The following ZBTB7C variants were observed in gnomAD, a reference collection of about 807,000 sequenced individuals.
ZBTB7C encodes the protein zinc finger and BTB domain containing 7C.
A neutral mutation model predicts 25.7 loss-of-function variants in ZBTB7C; 8 were observed. The observed-to-expected ratio is 0.31, with a 90% CI of 0.18 to 0.56. The LOEUF (loss-of-function observed/expected upper bound fraction) is 0.56, where lower values mean the gene tolerates loss of function less well. Among genes scored for constraint, ZBTB7C ranks in the 20% least tolerant of loss-of-function variants. The probability of loss-of-function intolerance (pLI) is 0.91; values close to 1 mark genes in which losing one functional copy is unlikely to be tolerated. For missense variants in ZBTB7C, 824 were observed against 855.2 expected (o/e 0.96, Z 0.46); for synonymous variants, 394 against 369.0 (o/e 1.07, Z -0.78).
At chr18:48,251,119 G>C (rs991200721) in intron 2 of ZBTB7C, among the ~76,000 whole-genome samples, 1 of 151,960 alleles carries the variant, frequency 6.6e-6, no homozygotes, top group Non-Finnish European at 1.5e-5. Flanking sequence ...GGCTACTCAG[G>C]AGAATGGGGC....
At chr18:48,379,619 A>T (rs2145201552) in intron 1 of ZBTB7C, among the ~76,000 whole-genome samples, 1 of 152,304 alleles carries the variant, frequency 6.6e-6, no homozygotes, top group East Asian at 1.9e-4. Flanking sequence ...AAAATTGGTA[A>T]GGTGGACTTT....
intron 1 of ZBTB7C, among the ~76,000 whole-genome samples, chr18:48,365,634 G>T (rs936320141): frequency 2.0e-5 from 3 of 152,088 alleles, no homozygotes; most frequent in African/African-American, 7.2e-5. Context: ...CACCTGGATT[G>T]CAGTCTTATA....
chr18:48,404,460 C>A (rs1453706210), intron 1 of ZBTB7C, among the ~76,000 whole-genome samples: 1 of 152,136 alleles, frequency 6.6e-6, no homozygotes, highest in Admixed American at 6.5e-5. Context: ...ATCCCGCATG[C>A]CCACGGTTGG....
chr18:48,099,353 A>G (rs750934762), intron 3 of ZBTB7C, among the ~76,000 whole-genome samples: 2 of 152,244 alleles, frequency 1.3e-5, no homozygotes, highest in Non-Finnish European at 1.5e-5. Flanking sequence ...AATGTCTGGC[A>G]CAGAAAAGAT....
At chr18:48,212,075 C>T (rs181895322) in intron 2 of ZBTB7C, among the ~76,000 whole-genome samples, 1 of 152,268 alleles carries the variant, frequency 6.6e-6, no homozygotes, top group Non-Finnish European at 1.5e-5. Context: ...ACCAGTCTGG[C>T]CAGGCGCAGT....
chr18:48,345,515 T>C (rs1404644683), intron 1 of ZBTB7C, among the ~76,000 whole-genome samples: 1 of 152,056 alleles, frequency 6.6e-6, no homozygotes, highest in East Asian at 1.9e-4. Flanking sequence ...TGCGCACTTC[T>C]GTTGTGCTTT....
At position 48,354,072 on chromosome 18, in the gene ZBTB7C, C is replaced by T. The variant is rs117953036; in HGVS notation, c.-303-15674G>A. On this transcript the variant is annotated intron_variant, in intron 1 of 4. Transcript: ENST00000590800. Reference sequence around the variant, plus strand: ...TCCAGTTTCTCAGATCCTCATTCAACGAAAGCATCCTTTGCAGGTGCCACT... The same window carrying T: ...TCCAGTTTCTCAGATCCTCATTCAATGAAAGCATCCTTTGCAGGTGCCACT... 8.6e-4 allele frequency among the ~76,000 whole-genome samples: 131 copies of T among 152,308 alleles called. 1 individual carries two copies. The East Asian group carries it at 0.022, about 25-fold the overall frequency.
intron 3 of ZBTB7C, among the ~76,000 whole-genome samples, chr18:48,141,100 C>G (rs1043556113): frequency 6.6e-6 from 1 of 151,992 alleles, no homozygotes; most frequent in Non-Finnish European, 1.5e-5. Flanking sequence ...TCGCCAAACT[C>G]CCTGCACCCC....
intron 4 of ZBTB7C, among the ~76,000 whole-genome samples, chr18:48,038,597 C>T (rs1436854061): frequency 6.7e-6 from 1 of 150,046 alleles, no homozygotes; most frequent in African/African-American, 2.5e-5. Flanking sequence ...ATTTGATATC[C>T]AGTCTCATTC....
intron 2 of ZBTB7C, among the ~76,000 whole-genome samples, chr18:48,249,000 T>C (rs1254661255): frequency 6.6e-6 from 1 of 152,130 alleles, no homozygotes; most frequent in East Asian, 1.9e-4. Flanking sequence ...GAAAATTATA[T>C]ACAATATAAA....
chr18:48,070,571 G>A (rs2037505748), intron 3 of ZBTB7C, among the ~76,000 whole-genome samples: 1 of 152,164 alleles, frequency 6.6e-6, no homozygotes, highest in African/African-American at 2.4e-5. Flanking sequence ...CCAGCACAGG[G>A]TTCTCCTAGA....
At chr18:48,261,697 C>A (rs1356373762) in intron 2 of ZBTB7C, among the ~76,000 whole-genome samples, 5 of 152,154 alleles carry the variant, frequency 3.3e-5, no homozygotes, top group Non-Finnish European at 7.4e-5. Flanking sequence ...CCCAAATAGA[C>A]CCTAAGCTCT....
intron 3 of ZBTB7C, among the ~76,000 whole-genome samples, chr18:48,144,846 T>C (rs1263855564): frequency 6.6e-6 from 1 of 152,168 alleles, no homozygotes; most frequent in East Asian, 1.9e-4. Context: ...GAAGGACACA[T>C]TTTCATTCTT....
chr18:48,284,519 C>T (rs1456228108), intron 2 of ZBTB7C, among the ~76,000 whole-genome samples: 5 of 151,938 alleles, frequency 3.3e-5, no homozygotes, highest in Non-Finnish European at 5.9e-5. Flanking sequence ...TCCGGCTGGG[C>T]GTGGTGGCTT....
At chr18:48,371,047 A>G (rs1298380525) in intron 1 of ZBTB7C, among the ~76,000 whole-genome samples, 2 of 152,204 alleles carry the variant, frequency 1.3e-5, no homozygotes, top group Non-Finnish European at 2.9e-5. Context: ...ACAAAAGGGT[A>G]GGTGTGTGAT....
chr18:48,357,658 G>A (rs944764570), intron 1 of ZBTB7C, among the ~76,000 whole-genome samples: 5 of 152,102 alleles, frequency 3.3e-5, no homozygotes, highest in Non-Finnish European at 7.4e-5. Flanking sequence ...TTTGAACTTT[G>A]CCCCACCCAA....
chr18:48,368,125 C>G (rs1470815215), intron 1 of ZBTB7C, among the ~76,000 whole-genome samples: 1 of 150,614 alleles, frequency 6.6e-6, no homozygotes, highest in Admixed American at 6.7e-5. Flanking sequence ...ATGCCAACTC[C>G]AAGATGACAG....
chr18:48,114,786 C>T (rs1400109409), intron 3 of ZBTB7C, among the ~76,000 whole-genome samples: 8 of 152,246 alleles, frequency 5.3e-5, no homozygotes, highest in East Asian at 1.9e-4. Context: ...GTGGATGAAT[C>T]GTAGAAACCT....
At chr18:48,238,600 A>G (rs776008786) in intron 2 of ZBTB7C, among the ~76,000 whole-genome samples, 16 of 152,204 alleles carry the variant, frequency 1.1e-4, no homozygotes, top group Non-Finnish European at 2.4e-4. Context: ...ATAAAAGTAG[A>G]AGCAGCAAAA....
Sources: gnomAD v4.1 joint callset for allele counts (sites outside exome capture counted in the v4.1 genomes callset) on GRCh38, gnomAD v4.1.1 for gene constraint, MANE v1.5 for transcripts, NCBI Gene and HGNC (gene_info 2026-07-23, HGNC 2026-07-21) for gene names.